The following LOXL2 variants were observed in gnomAD, a reference collection of about 807,000 sequenced individuals.
LOXL2 encodes the protein lysyl oxidase homolog 2.
Under a neutral mutation model 93.0 loss-of-function variants are expected in LOXL2, and 70 were observed. The ratio of observed to expected loss-of-function variants is 0.75; its 90% CI spans 0.62 to 0.92. The LOEUF is 0.92. Among genes scored for constraint, LOXL2 ranks in the 40% least tolerant of loss-of-function variants. The pLI is 0.00. For synonymous variants in LOXL2, 438 were observed against 413.2 expected (o/e 1.06, Z -0.73); for missense variants, 973 against 1,054.9 (o/e 0.92, Z 1.08).
At chr8:23,331,443 T>C (rs1803675557) in intron 5 of LOXL2, 1 of 152,244 alleles carries the variant, frequency 6.6e-6, no homozygotes, top group African/African-American at 2.4e-5. Flanking sequence ...TGCTGTCTCA[T>C]CTACTCATGC....
At chr8:23,355,512 CTTTTTTTTTT>C (rs58824822) in intron 3 of LOXL2, among the ~76,000 whole-genome samples, 120 of 80,324 alleles carry the variant, frequency 1.5e-3, no homozygotes, top group African/African-American at 2.7e-3. Flanking sequence ...TTGACATTCA[CTTTTTTTTTT>C]TTTTTTTTTT....
intron 2 of LOXL2, among the ~76,000 whole-genome samples, chr8:23,361,489 G>A (rs143076665): frequency 2.0e-5 from 3 of 152,242 alleles, no homozygotes; most frequent in Non-Finnish European, 4.4e-5. Context: ...AGCGTGCAAA[G>A]TGTTAGAGGG....
At chr8:23,376,381 G>GAT (rs1804593187) in intron 1 of LOXL2, among the ~76,000 whole-genome samples, 1 of 152,166 alleles carries the variant, frequency 6.6e-6, no homozygotes, top group South Asian at 2.1e-4. Context: ...ATTCATCAGG[G>GAT]ATATTGGTCT....
In LOXL2 at chr8:23,380,454, C is replaced by T. The variant is rs191842273; in HGVS notation, c.-83-12020G>A. On this transcript the variant is annotated intron_variant, in intron 1 of 13. Coordinates refer to ENST00000389131, the MANE Select transcript of LOXL2 (RefSeq NM_002318.3). ...ATTTGTATATCTGTAAACTGCTCTA[C>T]CCATTTTCCTGGATTATCCAATCTG... 1.2e-3 allele frequency among the ~76,000 whole-genome samples: 174 copies of T among 151,014 alleles called. 2 individuals carry two copies. In the East Asian group the frequency reaches 0.018, roughly 16 times the overall value.
chr8:23,392,372 G>C (rs1478560003), intron 1 of LOXL2, among the ~76,000 whole-genome samples: 2 of 152,206 alleles, frequency 1.3e-5, no homozygotes, highest in African/African-American at 4.8e-5. Flanking sequence ...ATGCCAGCTG[G>C]TGCTGGGTCA....
intron 12 of LOXL2, among the ~76,000 whole-genome samples, chr8:23,299,407 CCT>C (rs1411714243): frequency 6.6e-6 from 1 of 152,186 alleles, no homozygotes; most frequent in African/African-American, 2.4e-5. Flanking sequence ...CATGTCCCTT[CCT>C]CTCTCTGTAA....
At chr8:23,391,628 C>G (rs1804845683) in intron 1 of LOXL2, among the ~76,000 whole-genome samples, 1 of 152,162 alleles carries the variant, frequency 6.6e-6, no homozygotes, top group Admixed American at 6.5e-5. Flanking sequence ...ATATTGAAGT[C>G]CACAAAAGGC....
chr8:23,347,938 A>C (rs1804020846), intron 3 of LOXL2, among the ~76,000 whole-genome samples: 1 of 152,238 alleles, frequency 6.6e-6, no homozygotes, highest in Non-Finnish European at 1.5e-5. Context: ...ACAATAGCAA[A>C]GACTTGGAAC....
chr8:23,363,782 A>G (rs1585371666), intron 2 of LOXL2: 1 of 152,212 alleles, frequency 6.6e-6, no homozygotes, highest in East Asian at 1.9e-4. Context: ...ATGCTTGGTC[A>G]ATTTCTACTT....
rs140640640 is a variant in LOXL2 at position 23,330,348 on chromosome 8, C to T, written c.967-1783G>A. On this transcript the variant is annotated intron_variant, in intron 5 of 13. Coordinates refer to ENST00000389131, the MANE Select transcript of LOXL2 (RefSeq NM_002318.3). ...GACTCCGTCTCAAAACAAAACAAAA[C>T]AAAACAAAACAAAATAAAACAAAAA... Among the ~76,000 whole-genome samples, 1,290 of 152,014 alleles carry T rather than the reference C, an allele frequency of 8.5e-3. 85 individuals are homozygous for T. In the East Asian group the frequency reaches 0.16, roughly 19 times the overall value.
rs77755347 is a variant in LOXL2 at position 23,311,626 on chromosome 8, G to A, written c.1637-1715C>T. Among the ~76,000 whole-genome samples the A allele has an allele frequency of 4.3e-3, 651 of 152,236 alleles. 7 individuals carry two copies. Among genetic ancestry groups the A allele is most frequent in the African/African-American group, 0.015 (613 of 41,530 alleles). On this transcript the variant is annotated intron_variant, in intron 9 of 13. Transcript: ENST00000389131. ...GCAATCTCAACAGCTGCCATGGGTT[G>A]GGGACTTGGCCTCCCCTGCATCCAG...
intron 9 of LOXL2, among the ~76,000 whole-genome samples, chr8:23,315,657 C>G (rs1213965382): frequency 1.3e-5 from 2 of 152,174 alleles, no homozygotes; most frequent in Non-Finnish European, 1.5e-5. Context: ...GACCAGTATT[C>G]TCTTTGCTCT....
intron 7 of LOXL2, among the ~76,000 whole-genome samples, chr8:23,320,559 G>C (rs1359136667): frequency 6.6e-6 from 1 of 152,136 alleles, no homozygotes; most frequent in African/African-American, 2.4e-5. Context: ...TGAACTTGCT[G>C]TCTTTTCTCT....
At chr8:23,353,226 C>T (rs1486906026) in intron 3 of LOXL2, among the ~76,000 whole-genome samples, 1 of 152,100 alleles carries the variant, frequency 6.6e-6, no homozygotes, top group Non-Finnish European at 1.5e-5. Context: ...TCCAACTGGT[C>T]TACCCGCCAC....
At chr8:23,301,979 C>A (rs1260837822) in intron 12 of LOXL2, 48 bp downstream of exon 12, 1 of 1,606,744 alleles carries the variant, frequency 6.2e-7, no homozygotes, top group Admixed American at 1.7e-5. Flanking sequence ...TGGAGGTGGC[C>A]TCCCCTCCTC....
intron 1 of LOXL2, among the ~76,000 whole-genome samples, chr8:23,375,289 T>G (rs909823508): frequency 6.6e-6 from 1 of 152,182 alleles, no homozygotes; most frequent in African/African-American, 2.4e-5. Context: ...GGCTCTGTTC[T>G]GTTCCACTGG....
intron 1 of LOXL2, among the ~76,000 whole-genome samples, chr8:23,375,504 G>T (rs1275159347): frequency 6.6e-6 from 1 of 152,124 alleles, no homozygotes; most frequent in Non-Finnish European, 1.5e-5. Flanking sequence ...TAGCTTGATG[G>T]GGATGGCATT....
chr8:23,316,300 A>G (rs1175804280), intron 9 of LOXL2, among the ~76,000 whole-genome samples: 1 of 152,262 alleles, frequency 6.6e-6, no homozygotes, highest in East Asian at 1.9e-4. Flanking sequence ...TCTGGTCTCA[A>G]GTTCTCTGGC....
intron 3 of LOXL2, among the ~76,000 whole-genome samples, chr8:23,346,742 C>G (rs11135727): frequency 6.6e-6 from 1 of 151,978 alleles, no homozygotes; most frequent in Non-Finnish European, 1.5e-5. Context: ...CTCTCAGCAC[C>G]AGGCACGTTG....
Sources: gnomAD v4.1 joint callset for allele counts (sites outside exome capture counted in the v4.1 genomes callset) on GRCh38, gnomAD v4.1.1 for gene constraint, MANE v1.5 for transcripts, NCBI Gene and HGNC (gene_info 2026-07-23, HGNC 2026-07-21) for gene names.